Variants in ACCS observed in about 807,000 individuals in gnomAD.
ACCS encodes the protein 1-aminocyclopropane-1-carboxylate synthase homolog (inactive).
Under a neutral mutation model 59.8 loss-of-function variants are expected in ACCS, and 42 were observed. The observed-to-expected ratio is 0.70, with a 90% CI of 0.55 to 0.91. The LOEUF (loss-of-function observed/expected upper bound fraction) is 0.91, where lower values mean the gene tolerates loss of function less well. ACCS is among the 40% of genes least tolerant of loss of function. The pLI, the probability that ACCS is intolerant of heterozygous loss-of-function variation, is 0.00. For missense variants in ACCS, 602 were observed against 630.4 expected (o/e 0.95, Z 0.48); for synonymous variants, 230 against 240.3 (o/e 0.96, Z 0.40).
At chr11:44,073,715 G>A (rs1244401250) in intron 4 of ACCS, among the ~76,000 whole-genome samples, 198 bp downstream of exon 4, 1 of 152,214 alleles carries the variant, frequency 6.6e-6, no homozygotes, top group Non-Finnish European at 1.5e-5. Context: ...ATCAGTAGTG[G>A]CAGGCTGAGG....
chr11:44,083,041 G>A (rs1329323444), intron 12 of ACCS, 128 bp from the exon 13 acceptor site: 2 of 1,241,446 alleles, frequency 1.6e-6, no homozygotes, highest in Non-Finnish European at 2.3e-6. Flanking sequence ...CACCACAGCA[G>A]CCAGCTAGAG....
At chr11:44,075,618 G>C in intron 6 of ACCS, 26 bp downstream of exon 6, 1 of 1,611,482 alleles carries the variant, frequency 6.2e-7, no homozygotes, top group Non-Finnish European at 8.5e-7. Flanking sequence ...GGCCTGCCCC[G>C]CACTGTGAGC....
Position 44,079,543 on chromosome 11 carries a change from T to G in ACCS, c.846T>G (p.His282Gln). 6.2e-7 allele frequency: 1 copy of G among 1,611,216 alleles called. No homozygotes were observed. The highest frequency in any genetic ancestry group is 2.2e-5 in the East Asian group (1 of 44,864). The change falls in exon 10 of 15, where the codon CAT (histidine) becomes CAG (glutamine). Residue 282 changes from histidine (H) to glutamine (Q), a missense_variant. Physicochemically the swap from His to Gln is conservative, Grantham distance 24. Transcript: ENST00000263776. ...TGCCTCACTCCAGGCACAGGCTGCA[T>G]GTGATTGTGGATGAGGTCTACATGC... ...YLVFAKRHRL[H>Q]VIVDEVYMLS...
chr11:44,073,784 G>C (rs2134842949), intron 4 of ACCS, among the ~76,000 whole-genome samples: 1 of 152,328 alleles, frequency 6.6e-6, no homozygotes, highest in African/African-American at 2.4e-5. Context: ...CTCAGCACAG[G>C]AGCTCGCTAG....
chr11:44,079,592 G>C lies in ACCS; in HGVS notation c.895G>C (p.Gly299Arg). 1.2e-6 allele frequency: 2 copies of C among 1,611,672 alleles called. No homozygotes were observed. Among genetic ancestry groups the C allele is most frequent in the African/African-American group, 1.3e-5 (1 of 74,982 alleles). ...GCTGTCCGTGTTTGAGAAGTCTGTT[G>C]GGTACCGCAGTGTCCTAAGCCTGGA... The part of the protein sequence containing the change: ...YMLSVFEKSV[G>R]YRSVLSLERL... The change falls in exon 10 of 15, where the codon GGG becomes CGG. Residue 299 changes from glycine to arginine, a missense_variant. Physicochemically the swap from Gly to Arg is moderately radical, Grantham distance 125 (BLOSUM62 -2). Transcript: ENST00000263776.
intron 7 of ACCS, 140 bp downstream of exon 7, chr11:44,077,516 T>C: frequency 6.8e-7 from 1 of 1,470,930 alleles, no homozygotes; most frequent in Admixed American, 2.6e-5. Flanking sequence ...GCTGCATGGC[T>C]GCCTGTGCCT....
chr11:44,080,779 T>G, intron 10 of ACCS: 1 of 574,868 alleles, frequency 1.7e-6, no homozygotes, highest in Non-Finnish European at 3.1e-6. Flanking sequence ...ATCATGGCTG[T>G]GTTCTCATTA....
At position 44,081,165 on chromosome 11, in the gene ACCS, G is replaced by T. The variant is rs367884574; in HGVS notation, c.970-14G>T. On this transcript the variant is annotated splice_polypyrimidine_tract_variant and intron_variant, in intron 11 of 14. Coordinates refer to ENST00000263776, the MANE Select transcript of ACCS (RefSeq NM_032592.4). Reference sequence around the variant, plus strand: ...TGGAGGGCTGGCCACCGCCTAGGGTGCTTCTTCCTGCAGGACTTCGGGATG... The same window carrying T: ...TGGAGGGCTGGCCACCGCCTAGGGTTCTTCTTCCTGCAGGACTTCGGGATG... 2.0e-5 allele frequency: 33 copies of T among 1,614,092 alleles called. No homozygotes were observed. The highest frequency in any genetic ancestry group is 2.5e-5 in the Non-Finnish European group (30 of 1,180,046).
At chr11:44,072,962 A>G (rs1324225882) in intron 3 of ACCS, among the ~76,000 whole-genome samples, 15 of 152,214 alleles carry the variant, frequency 9.9e-5, no homozygotes, top group African/African-American at 3.6e-4. Flanking sequence ...AGCACTGGTC[A>G]TGGAATGGGT....
At chr11:44,073,285 C>G in intron 3 of ACCS, 162 bp from the exon 4 acceptor site, 1 of 690,082 alleles carries the variant, frequency 1.4e-6, no homozygotes. Context: ...TTTTGGACCT[C>G]AGTTTCCTCA....
intron 2 of ACCS, among the ~76,000 whole-genome samples, chr11:44,070,276 C>G (rs1220383435): frequency 6.6e-6 from 1 of 151,988 alleles, no homozygotes; most frequent in Admixed American, 6.6e-5. Context: ...GCAGGTGAGA[C>G]AGTACACAGA....
intron 3 of ACCS, 165 bp from the exon 4 acceptor site, chr11:44,073,282 C>T (rs181445548): frequency 4.6e-5 from 31 of 680,672 alleles, no homozygotes; most frequent in Non-Finnish European, 7.1e-5. Context: ...CTTTTTTGGA[C>T]CTCAGTTTCC....
intron 6 of ACCS, 105 bp downstream of exon 6, chr11:44,075,697 T>C (rs1050590048): frequency 1.5e-6 from 2 of 1,322,350 alleles, no homozygotes; most frequent in East Asian, 2.4e-5. Flanking sequence ...TCGGGCACAA[T>C]AGAATATACT....
chr11:44,082,333 C>T (rs1302497882), intron 12 of ACCS: 3 of 152,208 alleles, frequency 2.0e-5, no homozygotes, highest in African/African-American at 7.2e-5. Context: ...TTCATCATCA[C>T]CCATAACTGC....
chr11:44,073,782 A>G (rs1463259965), intron 4 of ACCS, among the ~76,000 whole-genome samples: 1 of 152,218 alleles, frequency 6.6e-6, no homozygotes. Flanking sequence ...ACCTCAGCAC[A>G]GGAGCTCGCT....
chr11:44,069,068 G>C (rs544749185), intron 2 of ACCS, among the ~76,000 whole-genome samples: 1 of 152,290 alleles, frequency 6.6e-6, no homozygotes, highest in East Asian at 1.9e-4. Flanking sequence ...ATGAACATTT[G>C]AGCAGAAACC....
chr11:44,071,384 C>T (rs1953044019), intron 3 of ACCS, 69 bp downstream of exon 3: 5 of 1,556,206 alleles, frequency 3.2e-6, no homozygotes, highest in South Asian at 1.1e-5. Context: ...AATGCTTTCC[C>T]AACAGGAGCC....
intron 11 of ACCS, 22 bp downstream of exon 11, chr11:44,081,087 G>A: frequency 1.9e-6 from 3 of 1,614,172 alleles, no homozygotes; most frequent in Non-Finnish European, 8.5e-7. Context: ...GCTGGCCTTG[G>A]GGGTGTCAGA....
intron 5 of ACCS, 78 bp downstream of exon 5, chr11:44,074,759 T>C (rs1384891110): frequency 1.9e-6 from 1 of 522,384 alleles, no homozygotes; most frequent in Non-Finnish European, 2.9e-6. Flanking sequence ...TTTCTTTCTT[T>C]CTTTCTTTCT....
Sources: gnomAD v4.1 joint callset for allele counts (sites outside exome capture counted in the v4.1 genomes callset) on GRCh38, gnomAD v4.1.1 for gene constraint, MANE v1.5 for transcripts, NCBI Gene and HGNC (gene_info 2026-07-23, HGNC 2026-07-21) for gene names.